SINHCAF: variants seen among roughly 807,000 people sequenced by gnomAD.
SINHCAF encodes SIN3-HDAC complex associated factor.
A neutral mutation model predicts 25.8 loss-of-function variants in SINHCAF; 3 were observed. That is an observed-to-expected ratio of 0.12 (90% confidence interval 0.05 to 0.30). SINHCAF has a LOEUF of 0.30. Ranked by LOEUF, SINHCAF falls within the 10% of genes least tolerant of loss-of-function variation. The probability of loss-of-function intolerance (pLI) is 1.00; values close to 1 mark genes in which losing one functional copy is unlikely to be tolerated. For synonymous variants in SINHCAF, 70 were observed against 85.5 expected (o/e 0.82, Z 1.00); for missense variants, 121 against 262.3 (o/e 0.46, Z 3.72).
In SINHCAF at chr12:31,282,888, A is replaced by G; in HGVS notation, c.507-17T>C. The G allele has an allele frequency of 6.4e-7, 1 of 1,568,456 alleles. No individual in the cohort carries two copies. Among genetic ancestry groups the G allele is most frequent in the Non-Finnish European group, 8.6e-7 (1 of 1,158,678 alleles). On this transcript the variant is annotated splice_polypyrimidine_tract_variant and intron_variant, in intron 5 of 5. Transcript: ENST00000337682. ...ATCTTCTGTCTAAAAGAAAAAATGGAGAACAAGATACATTAATAAGGAAGA... is the reference window on the plus strand; with the variant it reads ...ATCTTCTGTCTAAAAGAAAAAATGGGGAACAAGATACATTAATAAGGAAGA...
At chr12:31,290,652 C>T (rs1448279253) in intron 4 of SINHCAF, among the ~76,000 whole-genome samples, 1 of 152,186 alleles carries the variant, frequency 6.6e-6, no homozygotes, top group Non-Finnish European at 1.5e-5. Context: ...GGAAAACTCA[C>T]TCTCCTAGGA....
At chr12:31,284,672 GTTC>G (rs1182252227) in intron 5 of SINHCAF, among the ~76,000 whole-genome samples, 2 of 152,136 alleles carry the variant, frequency 1.3e-5, no homozygotes, top group Admixed American at 1.3e-4. Context: ...TAACCATGTT[GTTC>G]TTAATATCCT....
chr12:31,307,748 T>A (rs760288244), intron 1 of SINHCAF, among the ~76,000 whole-genome samples: 4 of 152,064 alleles, frequency 2.6e-5, no homozygotes, highest in Non-Finnish European at 5.9e-5. Flanking sequence ...CATGACTATC[T>A]CTCCAACAGT....
At chr12:31,306,282 G>A (rs1939022809) in intron 1 of SINHCAF, among the ~76,000 whole-genome samples, 1 of 152,182 alleles carries the variant, frequency 6.6e-6, no homozygotes, top group Admixed American at 6.5e-5. Context: ...CCCCATAAAG[G>A]GGTTTTCCAG....
In SINHCAF at chr12:31,298,242, T is replaced by C. The variant is rs373586598; in HGVS notation, c.-20-18A>G. 16 of 1,612,528 alleles carry C rather than the reference T, an allele frequency of 9.9e-6. No homozygotes were observed. The highest frequency in any genetic ancestry group is 5.3e-5 in the African/African-American group (4 of 75,034). ...GCAATAGTCTGTAAAGCCAAGGGAA[T>C]TGACATATCTTTGTTGAGGGCTGTA... is the stretch of plus-strand genomic sequence containing the variant. On this transcript the variant is annotated intron_variant, in intron 1 of 5. Transcript: ENST00000337682.
chr12:31,289,685 T>C (rs761949313), intron 4 of SINHCAF, among the ~76,000 whole-genome samples: 6 of 152,288 alleles, frequency 3.9e-5, no homozygotes, highest in Non-Finnish European at 5.9e-5. Context: ...CCAGGACACG[T>C]TGACAGAGCA....
intron 1 of SINHCAF, among the ~76,000 whole-genome samples, chr12:31,318,184 C>A (rs1362254875): frequency 6.6e-6 from 1 of 152,172 alleles, no homozygotes; most frequent in Non-Finnish European, 1.5e-5. Context: ...TGTATTCTCC[C>A]GCGGCTAGGC....
chr12:31,281,849 T>G lies in SINHCAF; in HGVS notation c.*863A>C, dbSNP rs564119818. 1 of 152,176 alleles carries G rather than the reference T, an allele frequency of 6.6e-6. No individual in the cohort carries two copies. The highest frequency in any genetic ancestry group is 2.4e-5 in the African/African-American group (1 of 41,448). 9.4% of individuals were successfully genotyped at this position (152,176 alleles called of 1,614,324 possible). ...AGGGAGGCACAGGATGCAACATATA[T>G]AGTCAAGTTACCTCTCTGTATATTT... On this transcript the variant is annotated 3_prime_UTR_variant, in exon 6 of 6. Coordinates refer to ENST00000337682, the MANE Select transcript of SINHCAF (RefSeq NM_001135812.2).
intron 1 of SINHCAF, among the ~76,000 whole-genome samples, chr12:31,305,695 A>ATTT (rs1214659992): frequency 7.0e-5 from 10 of 143,446 alleles, no homozygotes; most frequent in Admixed American, 4.1e-4. Context: ...AATATAGGCC[A>ATTT]ATTTTTTTTT....
At chr12:31,314,832 C>G (rs996078368) in intron 1 of SINHCAF, among the ~76,000 whole-genome samples, 11 of 152,204 alleles carry the variant, frequency 7.2e-5, no homozygotes, top group Admixed American at 5.2e-4. Flanking sequence ...TGGAGTCATT[C>G]TTCAGTCATC....
At chr12:31,323,696 C>T (rs911490240) in intron 1 of SINHCAF, among the ~76,000 whole-genome samples, 1 of 152,136 alleles carries the variant, frequency 6.6e-6, no homozygotes, top group African/African-American at 2.4e-5. Flanking sequence ...CCCCGCTCCC[C>T]CCACCCCCTA....
At chr12:31,295,181 G>A in intron 3 of SINHCAF, 53 bp downstream of exon 3, 2 of 1,086,976 alleles carry the variant, frequency 1.8e-6, no homozygotes, top group Non-Finnish European at 2.7e-6. Flanking sequence ...GGAAATTAAT[G>A]TTACTTTAAA....
chr12:31,312,259 T>C (rs1939299555), intron 1 of SINHCAF, among the ~76,000 whole-genome samples: 1 of 152,240 alleles, frequency 6.6e-6, no homozygotes, highest in African/African-American at 2.4e-5. Flanking sequence ...AATTCCGTTG[T>C]GTGACAGCAT....
intron 1 of SINHCAF, among the ~76,000 whole-genome samples, chr12:31,310,902 ACT>A (rs1939240068): frequency 7.1e-6 from 1 of 140,190 alleles, no homozygotes; most frequent in Admixed American, 7.6e-5. Flanking sequence ...AGAGAGTCTC[ACT>A]CTGTCGCCAG....
In SINHCAF at chr12:31,298,115, G is replaced by C. The variant is rs770045370; in HGVS notation, c.90C>G (p.Asp30Glu). 1 of 1,614,080 alleles carries C rather than the reference G, an allele frequency of 6.2e-7. No individual in the cohort carries two copies. Among genetic ancestry groups the C allele is most frequent in the Non-Finnish European group, 8.5e-7 (1 of 1,179,972 alleles). The change falls in exon 2 of 6, where the codon GAC (aspartate) becomes GAG (glutamate). Residue 30 changes from aspartate (D) to glutamate (E), a missense_variant. Asp to Glu is a conservative substitution (Grantham distance 45). Coordinates refer to ENST00000337682, the MANE Select transcript of SINHCAF (RefSeq NM_001135812.2). The part of the protein sequence containing the change: ...RAKSSSSRFT[D>E]SKRYEKDFQS... Reference sequence around the variant, plus strand: ...GGAAGTCCTTTTCATAGCGTTTACTGTCAGTGAATCGAGAACTGGAGGACT... The same window carrying C: ...GGAAGTCCTTTTCATAGCGTTTACTCTCAGTGAATCGAGAACTGGAGGACT...
rs1937781055 is a variant in SINHCAF, at chr12:31,281,348, T to A, written c.*1364A>T. The A allele has an allele frequency of 6.6e-6, 1 of 152,240 alleles. No homozygotes were observed. The highest frequency in any genetic ancestry group is 2.4e-5 in the African/African-American group (1 of 41,458). The allele number at this position is 152,240 out of a possible 1,614,324, so 9.4% of individuals were successfully genotyped here. On this transcript the variant is annotated 3_prime_UTR_variant, in exon 6 of 6. Coordinates refer to ENST00000337682, the MANE Select transcript of SINHCAF (RefSeq NM_001135812.2). ...GAAGCCAAACCAAAACCATTTAATGTGAACACAAACCTCTTTTCTTTTAGT... is the reference window on the plus strand; with the variant it reads ...GAAGCCAAACCAAAACCATTTAATGAGAACACAAACCTCTTTTCTTTTAGT...
intron 2 of SINHCAF, chr12:31,297,098 A>T (rs751503410): frequency 2.6e-6 from 1 of 384,178 alleles, no homozygotes; most frequent in Non-Finnish European, 5.3e-6. Context: ...AATTACTTTC[A>T]CCACTTTTTC....
intron 1 of SINHCAF, chr12:31,303,050 T>C (rs1227250467): frequency 2.0e-6 from 2 of 983,970 alleles, no homozygotes; most frequent in Non-Finnish European, 2.4e-6. Flanking sequence ...GTCCCTGAAA[T>C]AGAAAAAAAA....
intron 1 of SINHCAF, among the ~76,000 whole-genome samples, chr12:31,308,378 G>A (rs1419317143): frequency 6.6e-6 from 1 of 152,130 alleles, no homozygotes; most frequent in African/African-American, 2.4e-5. Flanking sequence ...TTCCACAACA[G>A]CAGGCCAACT....
Sources: gnomAD v4.1 joint callset for allele counts (sites outside exome capture counted in the v4.1 genomes callset) on GRCh38, gnomAD v4.1.1 for gene constraint, MANE v1.5 for transcripts, NCBI Gene and HGNC (gene_info 2026-07-23, HGNC 2026-07-21) for gene names.